The following DSCAM variants were observed in gnomAD, a reference collection of about 807,000 sequenced individuals.
DSCAM encodes the protein cell adhesion molecule DSCAM.
A neutral mutation model predicts 217.7 loss-of-function variants in DSCAM; 47 were observed. The ratio of observed to expected loss-of-function variants is 0.22; its 90% CI spans 0.17 to 0.28. DSCAM has a LOEUF of 0.28. Among genes scored for constraint, DSCAM ranks in the 10% least tolerant of loss-of-function variants. The pLI is 1.00. For missense variants in DSCAM, 2,080 were observed against 2,618.3 expected (o/e 0.79, Z 4.49); for synonymous variants, 1,056 against 1,015.3 (o/e 1.04, Z -0.76).
chr21:40,523,779 T>C (rs2076378299), intron 3 of DSCAM, among the ~76,000 whole-genome samples: 1 of 151,838 alleles, frequency 6.6e-6, no homozygotes, highest in Non-Finnish European at 1.5e-5. Context: ...GCTAAACCAA[T>C]AGAGCACACA....
In DSCAM at chr21:40,339,433, A is replaced by G. The variant is rs758413022; in HGVS notation, c.1211-18T>C. On this transcript the variant is annotated intron_variant, in intron 6 of 32. Coordinates refer to ENST00000400454, the MANE Select transcript of DSCAM (RefSeq NM_001389.5). ...AGTTCCATCTGCAGGAAAACAAATT[A>G]TGGAAGAAAGTGGCACATACAAATA... 1 of 1,579,390 alleles carries G rather than the reference A, an allele frequency of 6.3e-7. No individual in the cohort carries two copies. Among genetic ancestry groups the G allele is most frequent in the Non-Finnish European group, 8.6e-7 (1 of 1,163,342 alleles).
intron 1 of DSCAM, among the ~76,000 whole-genome samples, chr21:40,803,875 C>T (rs1286641570): frequency 6.6e-6 from 1 of 152,146 alleles, no homozygotes; most frequent in Non-Finnish European, 1.5e-5. Flanking sequence ...TTTGCCGTCA[C>T]CAGCCTAAAT....
intron 28 of DSCAM, 24 bp downstream of exon 28, chr21:40,062,845 T>A: frequency 6.4e-7 from 1 of 1,572,226 alleles, no homozygotes; most frequent in Non-Finnish European, 8.6e-7. Context: ...ACATGATATC[T>A]GGGGTGCTAG....
chr21:40,665,860 C>T (rs922669469), intron 3 of DSCAM, among the ~76,000 whole-genome samples: 5 of 152,206 alleles, frequency 3.3e-5, no homozygotes, highest in Admixed American at 3.3e-4. Context: ...GCCATGACCT[C>T]GGGTGTGAAG....
intron 20 of DSCAM, among the ~76,000 whole-genome samples, chr21:40,122,592 T>G (rs2090046935): frequency 6.6e-6 from 1 of 152,182 alleles, no homozygotes; most frequent in African/African-American, 2.4e-5. Context: ...TGGCTCAGCT[T>G]TTTTTCAGTG....
intron 28 of DSCAM, among the ~76,000 whole-genome samples, chr21:40,056,064 G>A (rs1413964713): frequency 3.3e-5 from 5 of 152,112 alleles, no homozygotes; most frequent in African/African-American, 1.2e-4. Flanking sequence ...AATACAAATT[G>A]TCAATAGAGA....
At chr21:40,698,822 A>G (rs2146462216) in intron 2 of DSCAM, among the ~76,000 whole-genome samples, 1 of 142,660 alleles carries the variant, frequency 7.0e-6, no homozygotes, top group East Asian at 2.2e-4. Context: ...GTGAGCTGAG[A>G]TTGCGCCAAT....
At chr21:40,360,978 T>C (rs1435113039) in intron 4 of DSCAM, among the ~76,000 whole-genome samples, 1 of 152,176 alleles carries the variant, frequency 6.6e-6, no homozygotes, top group Non-Finnish European at 1.5e-5. Context: ...CAGCATCTGA[T>C]GTTTTATATT....
At chr21:40,374,520 A>C (rs2074930716) in intron 3 of DSCAM, among the ~76,000 whole-genome samples, 1 of 152,238 alleles carries the variant, frequency 6.6e-6, no homozygotes, top group African/African-American at 2.4e-5. Context: ...CCAATGTCAC[A>C]TGACAGAGCA....
intron 14 of DSCAM, among the ~76,000 whole-genome samples, chr21:40,184,778 C>A (rs2090875077): frequency 6.6e-6 from 1 of 152,020 alleles, no homozygotes; most frequent in Admixed American, 6.5e-5. Flanking sequence ...AGAGTCCCTG[C>A]CTTTGGGAAA....
At chr21:40,750,610 C>T (rs2146560891) in intron 1 of DSCAM, among the ~76,000 whole-genome samples, 1 of 152,136 alleles carries the variant, frequency 6.6e-6, no homozygotes, top group South Asian at 2.1e-4. Flanking sequence ...GACCTCTTAT[C>T]TAAACTCCAA....
chr21:40,347,905 G>A lies in DSCAM; in HGVS notation c.975C>T (p.Ser325=), dbSNP rs1161594433. The A allele has an allele frequency of 1.2e-6, 2 of 1,613,838 alleles. No homozygotes were observed. Among genetic ancestry groups the A allele is most frequent in the African/African-American group, 2.7e-5 (2 of 74,884 alleles). Residue 325 remains serine (S), a synonymous_variant, in exon 6 of 33, where the codon AGC becomes AGT. Transcript: ENST00000400454. ...KATISPRKVK[S]SVGSQVSLSC... is the part of the protein sequence containing the mutation. ...ACAAGGAAACTTGGCTACCCACGCT[G>A]CTTTTAACCTTCCTGGGACTGATGG...
intron 3 of DSCAM, among the ~76,000 whole-genome samples, chr21:40,666,866 G>A (rs73905039): frequency 4.5e-4 from 69 of 152,332 alleles, no homozygotes; most frequent in African/African-American, 1.3e-3. Flanking sequence ...AAAAGCCACT[G>A]TGGCTGGTTA....
intron 11 of DSCAM, among the ~76,000 whole-genome samples, chr21:40,269,383 C>T (rs2073584463): frequency 6.6e-6 from 1 of 152,194 alleles, no homozygotes; most frequent in Non-Finnish European, 1.5e-5. Flanking sequence ...AAGGGAGCTG[C>T]TGCGTTTGAT....
chr21:40,812,110 A>G (rs1387767943), intron 1 of DSCAM, among the ~76,000 whole-genome samples: 1 of 152,258 alleles, frequency 6.6e-6, no homozygotes, highest in Non-Finnish European at 1.5e-5. Context: ...AGAGTGAAGT[A>G]TTCTTTAGAT....
chr21:40,266,661 ATATATATAT>A lies in DSCAM; in HGVS notation c.2356+9427_2356+9435del, dbSNP rs1569031978. Among the ~76,000 whole-genome samples, 63 of 123,524 alleles carry A rather than the reference ATATATATAT, an allele frequency of 5.1e-4. 3 individuals carry two copies. The highest frequency in any genetic ancestry group is 2.1e-3 in the African/African-American group (57 of 27,406). The allele number at this position is 123,524 out of a possible 152,430, so 81.0% of individuals were successfully genotyped here. ...TATATATATATATATATATATATAT[ATATATATAT>A]AATCTTGAAATTTTATATATATAAA... On this transcript the variant is annotated intron_variant, in intron 11 of 32. Coordinates refer to ENST00000400454, the MANE Select transcript of DSCAM (RefSeq NM_001389.5).
In DSCAM at chr21:40,406,636, G is replaced by C. The variant is rs557654920; in HGVS notation, c.509-37391C>G. ...GACAGGGTCTGGCTATGTCACCCAG[G>C]CTGGAGTGCAGTGGCACAATCTCGG... On this transcript the variant is annotated intron_variant, in intron 3 of 32. Coordinates refer to ENST00000400454, the MANE Select transcript of DSCAM (RefSeq NM_001389.5). Among the ~76,000 whole-genome samples, 7 of 152,290 alleles carry C rather than the reference G, an allele frequency of 4.6e-5. No homozygotes were observed. In the South Asian group the frequency reaches 1.4e-3, roughly 32 times the overall value.
intron 21 of DSCAM, among the ~76,000 whole-genome samples, chr21:40,091,100 G>A (rs58106785): frequency 0.019 from 2,855 of 152,266 alleles, 81 homozygotes; most frequent in African/African-American, 0.065. Flanking sequence ...TAATTAGGAT[G>A]TCTATAAAAA....
At chr21:40,021,057 TG>T (rs939671665) in intron 32 of DSCAM, among the ~76,000 whole-genome samples, 7 of 142,010 alleles carry the variant, frequency 4.9e-5, no homozygotes, top group South Asian at 4.6e-4. Flanking sequence ...TGAATAAGGC[TG>T]GGGGGGTGTG....
Sources: gnomAD v4.1 joint callset for allele counts (sites outside exome capture counted in the v4.1 genomes callset) on GRCh38, gnomAD v4.1.1 for gene constraint, MANE v1.5 for transcripts, NCBI Gene and HGNC (gene_info 2026-07-23, HGNC 2026-07-21) for gene names.